Variants in CNTNAP2 observed in about 807,000 individuals in gnomAD.
CNTNAP2 encodes the protein contactin-associated protein-like 2.
CNTNAP2 carries 98 observed loss-of-function variants against 155.2 expected under a neutral mutation model. That is an observed-to-expected ratio of 0.63 (90% CI 0.54 to 0.75). The LOEUF (loss-of-function observed/expected upper bound fraction) is 0.75. Ranked by LOEUF, CNTNAP2 falls within the 30% of genes least tolerant of loss-of-function variation. CNTNAP2 has a pLI of 0.00. For missense variants in CNTNAP2, 1,727 were observed against 1,688.1 expected, an observed-to-expected ratio of 1.02 and a Z score of -0.40; for synonymous variants, 651 against 631.2, an observed-to-expected ratio of 1.03 and a Z score of -0.47.
At position 148,036,651 on chromosome 7, in the gene CNTNAP2, G is replaced by A. The variant is rs541024129; in HGVS notation, c.2383+58662G>A. On this transcript the variant is annotated intron_variant, in intron 15 of 23. Coordinates refer to ENST00000361727, the MANE Select transcript of CNTNAP2 (RefSeq NM_014141.6). ...ACAATTCCATTCTTTATACGTTACT[G>A]AGTCTCAGGTATTCTGTTATAACAG... is the stretch of plus-strand genomic sequence containing the variant. Among the ~76,000 whole-genome samples the A allele has an allele frequency of 2.6e-5, 4 of 152,106 alleles. No homozygotes were observed. The South Asian group carries it at 8.3e-4, about 32-fold the overall frequency.
intron 11 of CNTNAP2, among the ~76,000 whole-genome samples, chr7:147,503,132 C>T (rs997634430): frequency 3.9e-5 from 6 of 152,170 alleles, no homozygotes; most frequent in Non-Finnish European, 8.8e-5. Flanking sequence ...GGCAAGCCCA[C>T]GCTCCCCTTG....
chr7:146,846,804 ATG>A (rs1286399580), intron 3 of CNTNAP2, among the ~76,000 whole-genome samples: 1 of 152,156 alleles, frequency 6.6e-6, no homozygotes, highest in Non-Finnish European at 1.5e-5. Flanking sequence ...ATAAAGGAAA[ATG>A]TTATAATCTC....
intron 22 of CNTNAP2, among the ~76,000 whole-genome samples, chr7:148,402,516 C>T (rs1799610652): frequency 6.6e-6 from 1 of 152,112 alleles, no homozygotes; most frequent in African/African-American, 2.4e-5. Flanking sequence ...GCATCTTAGT[C>T]GATAACCATT....
intron 1 of CNTNAP2, among the ~76,000 whole-genome samples, chr7:146,672,434 C>T (rs1025020200): frequency 1.3e-5 from 2 of 152,182 alleles, no homozygotes; most frequent in South Asian, 2.1e-4. Context: ...AAAGCTCATG[C>T]CTATAGAAGT....
intron 13 of CNTNAP2, among the ~76,000 whole-genome samples, chr7:147,743,399 G>A (rs1465628520): frequency 1.3e-5 from 2 of 152,162 alleles, no homozygotes; most frequent in African/African-American, 4.8e-5. Context: ...TCTGGTGCTG[G>A]AAGGCAGGGA....
At chr7:147,584,903 T>A (rs2373104) in intron 12 of CNTNAP2, among the ~76,000 whole-genome samples, 1 of 151,922 alleles carries the variant, frequency 6.6e-6, no homozygotes, top group African/African-American at 2.4e-5. Context: ...GGGAGAAGGA[T>A]GCCCTTGATG....
At chr7:147,293,040 T>G (rs1584851486) in intron 8 of CNTNAP2, among the ~76,000 whole-genome samples, 1 of 152,296 alleles carries the variant, frequency 6.6e-6, no homozygotes, top group Admixed American at 6.5e-5. Context: ...AGTGCTGGGA[T>G]TGCAGGCATA....
At chr7:148,347,863 A>G (rs1798354994) in intron 21 of CNTNAP2, among the ~76,000 whole-genome samples, 1 of 152,248 alleles carries the variant, frequency 6.6e-6, no homozygotes, top group South Asian at 2.1e-4. Context: ...AAATCTTTAC[A>G]GCTGGAGTTG....
rs150710797 is a variant in CNTNAP2 at position 147,953,955 on chromosome 7, C to A, written c.2256-23907C>A. ...CTGCAAAGGTCATATCGAGAAGTAC[C>A]AGGGGTTAGAACTTGAAAATATCTT... On this transcript the variant is annotated intron_variant, in intron 14 of 23. Transcript: ENST00000361727. 5.2e-3 allele frequency among the ~76,000 whole-genome samples: 799 copies of A among 152,228 alleles called. 9 individuals carry two copies. Among genetic ancestry groups the A allele is most frequent in the African/African-American group, 0.018 (764 of 41,522 alleles).
intron 11 of CNTNAP2, among the ~76,000 whole-genome samples, chr7:147,494,391 A>G (rs1467264094): frequency 6.6e-6 from 1 of 151,082 alleles, no homozygotes; most frequent in Non-Finnish European, 1.5e-5. Context: ...TTAAATATAG[A>G]AAGAAAGGAT....
chr7:146,246,565 A>C (rs987429019), intron 1 of CNTNAP2, among the ~76,000 whole-genome samples: 1 of 150,866 alleles, frequency 6.6e-6, no homozygotes, highest in South Asian at 2.1e-4. Context: ...GGACAGACTT[A>C]CCCTCCACTG....
chr7:146,955,114 G>T (rs1277639675), intron 3 of CNTNAP2, among the ~76,000 whole-genome samples: 1 of 151,862 alleles, frequency 6.6e-6, no homozygotes, highest in Admixed American at 6.6e-5. Context: ...ATATATTTAG[G>T]TACCCACTTG....
At chr7:147,454,960 T>C (rs1352175182) in intron 10 of CNTNAP2, among the ~76,000 whole-genome samples, 1 of 152,160 alleles carries the variant, frequency 6.6e-6, no homozygotes, top group Non-Finnish European at 1.5e-5. Context: ...TCATGGTCTT[T>C]AATCTTACTT....
In CNTNAP2 at chr7:147,772,483, T is replaced by TATATATATAC. The variant is rs1491170896; in HGVS notation, c.2099-131081_2099-131080insTATATATACA. 1.3e-4 allele frequency among the ~76,000 whole-genome samples: 12 copies of TATATATATAC among 90,250 alleles called. No individual in the cohort carries two copies. The East Asian group carries it at 2.1e-3, about 16-fold the overall frequency. The allele number at this position is 90,250 out of a possible 152,430, so 59.2% of individuals were successfully genotyped here. On this transcript the variant is annotated intron_variant, in intron 13 of 23. Transcript: ENST00000361727. ...ATATATATATATATATATATATATA[T>TATATATATAC]ACACACACAAAAAAAAAACCACAAA...
intron 1 of CNTNAP2, among the ~76,000 whole-genome samples, chr7:146,561,742 A>G (rs1798282552): frequency 6.6e-6 from 1 of 152,108 alleles, no homozygotes; most frequent in Non-Finnish European, 1.5e-5. Flanking sequence ...ATGATATGAA[A>G]TTCCGGCAAC....
intron 13 of CNTNAP2, among the ~76,000 whole-genome samples, chr7:147,675,635 A>G (rs1270537743): frequency 6.6e-6 from 1 of 152,078 alleles, no homozygotes; most frequent in African/African-American, 2.4e-5. Context: ...TCAAATGCCA[A>G]TCTCTTCTAG....
intron 10 of CNTNAP2, among the ~76,000 whole-genome samples, chr7:147,399,249 C>A (rs922817052): frequency 6.6e-6 from 1 of 152,020 alleles, no homozygotes; most frequent in Non-Finnish European, 1.5e-5. Context: ...AATACAGGAG[C>A]CATTTGCAGC....
chr7:146,787,423 T>A (rs184561954), intron 2 of CNTNAP2, among the ~76,000 whole-genome samples: 12 of 152,236 alleles, frequency 7.9e-5, no homozygotes, highest in Non-Finnish European at 1.8e-4. Context: ...GGGTTCGTGG[T>A]CTCGCTGACT....
At chr7:146,607,563 A>G (rs776960264) in intron 1 of CNTNAP2, among the ~76,000 whole-genome samples, 1 of 152,000 alleles carries the variant, frequency 6.6e-6, no homozygotes, top group Admixed American at 6.6e-5. Flanking sequence ...TGCATTCTCA[A>G]TCTCCTGGGC....
Sources: allele counts gnomAD v4.1 joint callset (sites outside exome capture counted in the v4.1 genomes callset), GRCh38; gene constraint gnomAD v4.1.1; transcripts MANE v1.5; gene names NCBI Gene and HGNC (gene_info 2026-07-23, HGNC 2026-07-21).